ECE2: variants seen among roughly 807,000 people sequenced by gnomAD.
ECE2 encodes the protein endothelin-converting enzyme 2.
ECE2 carries 81 observed loss-of-function variants against 100.6 expected under a neutral mutation model. That is an observed-to-expected ratio of 0.81 (90% CI 0.67 to 0.97). ECE2 has a LOEUF of 0.97. Among genes scored for constraint, ECE2 ranks in the 50% least tolerant of loss-of-function variants. ECE2 has a pLI of 0.00. For synonymous variants in ECE2, 391 were observed against 391.5 expected (o/e 1.00, Z 0.02); for missense variants, 911 against 988.1 (o/e 0.92, Z 1.05).
At chr3:184,287,777 A>C in intron 10 of ECE2, 60 bp from the exon 11 acceptor site, 1 of 1,468,018 alleles carries the variant, frequency 6.8e-7, no homozygotes, top group South Asian at 1.1e-5. Flanking sequence ...TGACAGAGAA[A>C]GGCCCTCTGA....
At chr3:184,290,395 G>T in intron 14 of ECE2, 37 bp downstream of exon 14, 1 of 1,602,542 alleles carries the variant, frequency 6.2e-7, no homozygotes. Context: ...ACTAGGGGTG[G>T]CAGGAGAGGT....
chr3:184,277,854 G>A (rs1197574090), intron 4 of ECE2, 71 bp from the exon 5 acceptor site: 46 of 1,576,890 alleles, frequency 2.9e-5, no homozygotes, highest in Middle Eastern at 4.7e-4. Context: ...GAGAGAAACC[G>A]AGCAAGGGCC....
intron 6 of ECE2, 78 bp downstream of exon 6, chr3:184,278,391 G>C: frequency 6.3e-7 from 1 of 1,589,890 alleles, no homozygotes. Flanking sequence ...GTGACAGGCA[G>C]GCTGGGCTGA....
At position 184,290,569 on chromosome 3, in the gene ECE2, C is replaced by T; in HGVS notation, c.1668C>T (p.Thr556=). The part of the protein sequence containing the change: ...KPPSRDQWSM[T]PQTVNAYYLP... Reference sequence around the variant, plus strand: ...CTTCCTCCGCCAGGTGGAGCATGACCCCCCAGACAGTGAATGCCTACTACC... The same window carrying T: ...CTTCCTCCGCCAGGTGGAGCATGACTCCCCAGACAGTGAATGCCTACTACC... Residue 556 remains threonine (T), a synonymous_variant, in exon 15 of 19, where the codon ACC becomes ACT. Transcript: ENST00000404464. 6.2e-7 allele frequency: 1 copy of T among 1,614,102 alleles called. No individual in the cohort carries two copies. The highest frequency in any genetic ancestry group is 8.5e-7 in the Non-Finnish European group (1 of 1,179,992).
At position 184,287,882 on chromosome 3, in the gene ECE2, G is replaced by A. The variant is rs374894345; in HGVS notation, c.1309G>A (p.Ala437Thr). 119 of 1,614,032 alleles carry A rather than the reference G, an allele frequency of 7.4e-5. No individual in the cohort carries two copies. Among genetic ancestry groups the A allele is most frequent in the African/African-American group, 3.2e-4 (24 of 74,918 alleles). Residue 437 changes from alanine to threonine, a missense_variant, in exon 11 of 19, where the codon GCC (alanine) becomes ACC (threonine). By Grantham distance (58) the Ala-to-Thr change is moderately conservative. Coordinates refer to ENST00000404464, the MANE Select transcript of ECE2 (RefSeq NM_001100121.2). ...WQTCISNTDD[A>T]LGFALGSLFV... ...GACCTGCATCTCCAACACGGATGAC[G>A]CCCTTGGCTTTGCTTTGGGGTCCCT...
intron 13 of ECE2, among the ~76,000 whole-genome samples, 177 bp from the exon 14 acceptor site, chr3:184,290,078 A>G (rs191209608): frequency 2.4e-4 from 37 of 152,258 alleles, no homozygotes; most frequent in Admixed American, 7.2e-4. Flanking sequence ...TACAGTATGT[A>G]AAAAAACAGC....
At position 184,283,875 on chromosome 3, in the gene ECE2, C is replaced by A. The variant is rs1459926358; in HGVS notation, c.907C>A (p.Leu303Met). The A allele has an allele frequency of 3.1e-6, 5 of 1,613,908 alleles. No individual in the cohort carries two copies. Among genetic ancestry groups the A allele is most frequent in the Non-Finnish European group, 4.2e-6 (5 of 1,180,010 alleles). The change falls in exon 8 of 19, where the codon CTG becomes ATG. Residue 303 changes from leucine (L) to methionine (M), a missense_variant. Physicochemically the swap from Leu to Met is conservative, Grantham distance 15. Transcript: ENST00000404464. Reference sequence around the variant, plus strand: ...CACGAGGGAGCAGATGCAGCAGGTGCTGGAGTTGGAGATACAGCTGGCCAA... The same window carrying A: ...CACGAGGGAGCAGATGCAGCAGGTGATGGAGTTGGAGATACAGCTGGCCAA... ...TSTREQMQQV[L>M]ELEIQLANIT...
intron 15 of ECE2, 36 bp from the exon 16 acceptor site, chr3:184,290,757 C>T: frequency 6.2e-7 from 1 of 1,613,626 alleles, no homozygotes; most frequent in African/African-American, 1.3e-5. Context: ...AGAAGTACCC[C>T]CGCCATGTCC....
At position 184,285,116 on chromosome 3, in the gene ECE2, A is replaced by T; in HGVS notation, c.1148+11A>T. 6.2e-7 allele frequency: 1 copy of T among 1,612,564 alleles called. No homozygotes were observed. Among genetic ancestry groups the T allele is most frequent in the Non-Finnish European group, 8.5e-7 (1 of 1,179,230 alleles). On this transcript the variant is annotated intron_variant, in intron 9 of 18. Transcript: ENST00000404464. ...CCGCACGGAACCAAGGTGTGGGGGT[A>T]GCCCAGGGTGAGGGTGGGTTCTGTG... is the stretch of plus-strand genomic sequence containing the variant.
At position 184,278,262 on chromosome 3, in the gene ECE2, C is replaced by T. The variant is rs1482046317; in HGVS notation, c.699C>T (p.Phe233=). 6.2e-7 allele frequency: 1 copy of T among 1,614,074 alleles called. No individual in the cohort carries two copies. Among genetic ancestry groups the T allele is most frequent in the African/African-American group, 1.3e-5 (1 of 74,926 alleles). Residue 233 remains phenylalanine, a synonymous_variant, in exon 6 of 19, where the codon TTC becomes TTT. Coordinates refer to ENST00000404464, the MANE Select transcript of ECE2 (RefSeq NM_001100121.2). ...VAGTYRATPF[F]TVYISADSKS... is the part of the protein sequence containing the mutation. ...GGACCTACAGGGCCACCCCATTCTT[C>T]ACCGTCTACATCAGTGCCGACTCTA... is the stretch of plus-strand genomic sequence containing the variant.
chr3:184,282,500 G>A lies in ECE2; in HGVS notation c.817-1285G>A, dbSNP rs188238695. On this transcript the variant is annotated intron_variant, in intron 7 of 18. Transcript: ENST00000404464. ...GTTGAGTGTCTGTTTGCAGGTTTTC[G>A]CCCTGTTATTCAACAGATATTTATT... 9.9e-5 allele frequency among the ~76,000 whole-genome samples: 15 copies of A among 152,264 alleles called. No homozygotes were observed. In the East Asian group the frequency reaches 1.9e-3, roughly 20 times the overall value.
chr3:184,290,460 C>T (rs186079967), intron 14 of ECE2, 97 bp from the exon 15 acceptor site: 20 of 1,551,146 alleles, frequency 1.3e-5, no homozygotes, highest in East Asian at 4.5e-5. Flanking sequence ...CCCAGACCGG[C>T]GGCCCCATAC....
intron 7 of ECE2, among the ~76,000 whole-genome samples, chr3:184,280,457 TTACA>T (rs1356279626): frequency 2.6e-5 from 4 of 152,124 alleles, no homozygotes; most frequent in Admixed American, 2.0e-4. Context: ...CCTGGGCACC[TTACA>T]TACAGAGAGG....
In ECE2 at chr3:184,290,290, G is replaced by T; in HGVS notation, c.1587G>T (p.Met529Ile). 1 of 1,614,078 alleles carries T rather than the reference G, an allele frequency of 6.2e-7. No individual in the cohort carries two copies. Among genetic ancestry groups the T allele is most frequent in the African/African-American group, 1.3e-5 (1 of 75,018 alleles). Residue 529 changes from methionine to isoleucine, a missense_variant, in exon 14 of 19, where the codon ATG (methionine) becomes ATT (isoleucine). By Grantham distance (10) the Met-to-Ile change is conservative. Transcript: ENST00000404464. ...EISEDSFFQN[M>I]LNLYNFSAKV... ...CTGAAGATTCTTTCTTCCAAAACAT[G>T]TTGAATTTGTACAACTTCTCTGCCA... is the stretch of plus-strand genomic sequence containing the variant.
Position 184,290,325 on chromosome 3 carries a change from C to G in ECE2, c.1622C>G (p.Ala541Gly). ...TACAACTTCTCTGCCAAGGTTATGG[C>G]TGACCAGCTCCGCAAGCCTCCCAGC... ...NLYNFSAKVM[A>G]DQLRKPPSRD... Residue 541 changes from alanine to glycine, a missense_variant, in exon 14 of 19, where the codon GCT becomes GGT. Coordinates refer to ENST00000404464, the MANE Select transcript of ECE2 (RefSeq NM_001100121.2). 6.2e-7 allele frequency: 1 copy of G among 1,614,070 alleles called. No homozygotes were observed. Among genetic ancestry groups the G allele is most frequent in the Non-Finnish European group, 8.5e-7 (1 of 1,180,006 alleles).
Position 184,285,113 on chromosome 3 carries a change from G to T in ECE2, c.1148+8G>T. 1.9e-6 allele frequency: 3 copies of T among 1,612,588 alleles called. No homozygotes were observed. The highest frequency in any genetic ancestry group is 2.5e-6 in the Non-Finnish European group (3 of 1,179,218). ...CAACCGCACGGAACCAAGGTGTGGG[G>T]GTAGCCCAGGGTGAGGGTGGGTTCT... On this transcript the variant is annotated splice_region_variant and intron_variant, in intron 9 of 18. Coordinates refer to ENST00000404464, the MANE Select transcript of ECE2 (RefSeq NM_001100121.2).
intron 2 of ECE2, 146 bp downstream of exon 2, chr3:184,276,713 G>A (rs1326041262): frequency 7.2e-6 from 11 of 1,537,600 alleles, no homozygotes; most frequent in South Asian, 1.2e-5. Flanking sequence ...ATGGTGAGGC[G>A]ATGCTAAGCC....
intron 15 of ECE2, 55 bp from the exon 16 acceptor site, chr3:184,290,738 G>T (rs1721272792): frequency 1.9e-6 from 3 of 1,612,734 alleles, no homozygotes; most frequent in Non-Finnish European, 2.5e-6. Context: ...AGGGCTGGAG[G>T]TGGGATTCAG....
At position 184,276,100 on chromosome 3, in the gene ECE2, C is replaced by G. The variant is rs1430533037; in HGVS notation, c.-54C>G. 12 of 1,268,882 alleles carry G rather than the reference C, an allele frequency of 9.5e-6. No individual in the cohort carries two copies. The highest frequency in any genetic ancestry group is 1.2e-5 in the Non-Finnish European group (12 of 1,009,480). The allele number at this position is 1,268,882 out of a possible 1,614,324, so 78.6% of individuals were successfully genotyped here. ...CGGGCAGGGGACCGGGGCCGCGGCC[C>G]GGGAGCGGGCCAGCTGCCGGGAGCC... On this transcript the variant is annotated 5_prime_UTR_variant, in exon 1 of 19. Transcript: ENST00000404464.
Sources: allele counts gnomAD v4.1 joint callset (sites outside exome capture counted in the v4.1 genomes callset), GRCh38; gene constraint gnomAD v4.1.1; transcripts MANE v1.5; gene names NCBI Gene and HGNC (gene_info 2026-07-23, HGNC 2026-07-21).